Variants in RAB35 observed in about 807,000 individuals in gnomAD.
The protein encoded by RAB35 is ras-related protein Rab-35.
RAB35 carries 4 observed loss-of-function variants against 28.9 expected under a neutral mutation model. The ratio of observed to expected loss-of-function variants is 0.14; its 90% CI spans 0.07 to 0.32. The LOEUF (loss-of-function observed/expected upper bound fraction) is 0.32. Ranked by LOEUF, RAB35 falls within the 10% of genes least tolerant of loss-of-function variation. The pLI, the probability that RAB35 is intolerant of heterozygous loss-of-function variation, is 1.00. For missense variants in RAB35, 128 were observed against 274.0 expected, an observed-to-expected ratio of 0.47 and a Z score of 3.76; for synonymous variants, 99 against 105.1, an observed-to-expected ratio of 0.94 and a Z score of 0.35.
Position 120,096,958 on chromosome 12 carries a change from G to C in RAB35, c.*287C>G. Reference sequence around the variant, plus strand: ...GGCCGGGTAGAGCAATATACACTATGTACAGACTCTGCGAATCAGTCCGCT... The same window carrying C: ...GGCCGGGTAGAGCAATATACACTATCTACAGACTCTGCGAATCAGTCCGCT... On this transcript the variant is annotated 3_prime_UTR_variant, in exon 6 of 6. Coordinates refer to ENST00000229340, the MANE Select transcript of RAB35 (RefSeq NM_006861.7). 1 of 1,421,366 alleles carries C rather than the reference G, an allele frequency of 7.0e-7. No homozygotes were observed. Among genetic ancestry groups the C allele is most frequent in the Non-Finnish European group, 9.3e-7 (1 of 1,074,322 alleles). 88.0% of individuals were successfully genotyped at this position (1,421,366 alleles called of 1,614,324 possible).
chr12:120,098,075 A>G (rs547946170), intron 5 of RAB35, among the ~76,000 whole-genome samples: 198 of 152,090 alleles, frequency 1.3e-3, no homozygotes, highest in Non-Finnish European at 2.1e-3. Context: ...TAGTAGAGAC[A>G]GGGTTCCACC....
intron 3 of RAB35, among the ~76,000 whole-genome samples, chr12:120,101,706 G>A (rs920024378): frequency 1.3e-5 from 2 of 152,172 alleles, no homozygotes; most frequent in Non-Finnish European, 2.9e-5. Flanking sequence ...GGGACTCTAA[G>A]ATGGAGCCAC....
chr12:120,110,295 T>TTTTTTTTTTTTTTTTC (rs1253733947), intron 1 of RAB35, among the ~76,000 whole-genome samples: 1 of 142,236 alleles, frequency 7.0e-6, no homozygotes, highest in East Asian at 2.1e-4. Context: ...ACAGCATTTT[T>TTTTTTTTTTTTTTTTC]TTTTTTTTTG....
intron 3 of RAB35, among the ~76,000 whole-genome samples, chr12:120,101,813 T>C (rs1482593062): frequency 6.6e-6 from 1 of 152,076 alleles, no homozygotes; most frequent in Non-Finnish European, 1.5e-5. Flanking sequence ...CCCATGTTGC[T>C]CCCAGGAAGC....
At chr12:120,115,096 T>C (rs1041931261) in intron 1 of RAB35, among the ~76,000 whole-genome samples, 12 of 152,058 alleles carry the variant, frequency 7.9e-5, no homozygotes, top group Non-Finnish European at 1.3e-4. Flanking sequence ...ACTCCACCTT[T>C]CTACCTCCTT....
chr12:120,100,652 C>G (rs1481107201), intron 3 of RAB35, among the ~76,000 whole-genome samples: 3 of 152,184 alleles, frequency 2.0e-5, no homozygotes, highest in Admixed American at 2.0e-4. Context: ...GCCCCTGCCC[C>G]ATCCTTGCTC....
chr12:120,100,704 T>C (rs1014394790), intron 3 of RAB35, among the ~76,000 whole-genome samples: 1 of 152,198 alleles, frequency 6.6e-6, no homozygotes, highest in Non-Finnish European at 1.5e-5. Context: ...CAGGGCTTCA[T>C]TCTGCCCACA....
At position 120,096,406 on chromosome 12, in the gene RAB35, C is replaced by T. The variant is rs1382683808; in HGVS notation, c.*839G>A. The T allele has an allele frequency of 3.9e-6, 5 of 1,266,620 alleles. No individual in the cohort carries two copies. Among genetic ancestry groups the T allele is most frequent in the African/African-American group, 1.5e-5 (1 of 64,620 alleles). 78.5% of individuals were successfully genotyped at this position (1,266,620 alleles called of 1,614,324 possible). ...AATTCACTTGATTTGGCTTCATTTTCTTGATCTGTTAAAATAATCCTCCCA... is the reference window on the plus strand; with the variant it reads ...AATTCACTTGATTTGGCTTCATTTTTTTGATCTGTTAAAATAATCCTCCCA... On this transcript the variant is annotated 3_prime_UTR_variant, in exon 6 of 6. Coordinates refer to ENST00000229340, the MANE Select transcript of RAB35 (RefSeq NM_006861.7).
intron 2 of RAB35, 134 bp from the exon 3 acceptor site, chr12:120,104,083 C>T (rs1875770014): frequency 1.6e-6 from 2 of 1,228,364 alleles, no homozygotes; most frequent in South Asian, 1.5e-5. Context: ...TTCTAGGTCC[C>T]AGGGACACAG....
At chr12:120,097,437 C>A (rs942519413) in intron 5 of RAB35, 64 bp from the exon 6 acceptor site, 2 of 1,397,830 alleles carry the variant, frequency 1.4e-6, no homozygotes, top group Non-Finnish European at 2.0e-6. Flanking sequence ...CTGGCCTGCA[C>A]GGCTGCCTCC....
At position 120,103,693 on chromosome 12, in the gene RAB35, CCAA is replaced by C. The variant is rs1228680799; in HGVS notation, c.227+130_227+132del. ...TGCAGCCAAACGCCACCTACTACAGCCAACAACAGGCTCACTTCCCGACAGCCT... is the reference window on the plus strand; with the variant it reads ...TGCAGCCAAACGCCACCTACTACAGCCAACAGGCTCACTTCCCGACAGCCT... On this transcript the variant is annotated intron_variant, in intron 3 of 5. Transcript: ENST00000229340. The surrounding 1 kb of genome is among the most constrained non-coding windows in gnomAD (Gnocchi z 6.1). The C allele has an allele frequency of 1.5e-5, 20 of 1,352,864 alleles. No homozygotes were observed. The South Asian group carries it at 2.5e-4, about 17-fold the overall frequency. 83.8% of individuals were successfully genotyped at this position (1,352,864 alleles called of 1,614,324 possible). A position where few individuals can be genotyped will look rare whatever the true frequency, so the allele number is the denominator to read the frequency against.
At chr12:120,107,934 A>G (rs552252244) in intron 2 of RAB35, among the ~76,000 whole-genome samples, 183 of 152,078 alleles carry the variant, frequency 1.2e-3, no homozygotes, top group African/African-American at 4.0e-3. Flanking sequence ...GCATCGCTGA[A>G]AACACAACCA....
intron 1 of RAB35, among the ~76,000 whole-genome samples, chr12:120,109,229 G>A (rs903817008): frequency 4.6e-5 from 7 of 152,146 alleles, no homozygotes; most frequent in African/African-American, 7.2e-5. Flanking sequence ...CGAGGCAGGC[G>A]GATCACCTGA....
intron 1 of RAB35, among the ~76,000 whole-genome samples, chr12:120,116,050 G>C (rs1876319248): frequency 6.6e-6 from 1 of 152,190 alleles, no homozygotes; most frequent in Non-Finnish European, 1.5e-5. Context: ...CCATGAGGCA[G>C]GTTCTGAGAA....
intron 1 of RAB35, among the ~76,000 whole-genome samples, chr12:120,111,243 G>A (rs1876105735): frequency 6.6e-6 from 1 of 152,224 alleles, no homozygotes; most frequent in Non-Finnish European, 1.5e-5. Context: ...CTTCTGCAGG[G>A]CAGCAGAATC....
intron 1 of RAB35, among the ~76,000 whole-genome samples, chr12:120,111,983 C>CTT (rs1161634088): frequency 7.1e-6 from 1 of 141,060 alleles, no homozygotes; most frequent in African/African-American, 2.6e-5. Context: ...GCCTGTCATT[C>CTT]TTTTTTTTTT....
Position 120,108,404 on chromosome 12 carries a change from G to C in RAB35, c.103+13C>G, listed in dbSNP as rs776963133. On this transcript the variant is annotated intron_variant, in intron 2 of 5. Transcript: ENST00000229340. ...AAAACGACACCCCAGCAGCACTGCA[G>C]GGGAGGACTCACCTGAGAAAGTGTT... The C allele has an allele frequency of 6.2e-7, 1 of 1,610,806 alleles. No homozygotes were observed. The highest frequency in any genetic ancestry group is 8.5e-7 in the Non-Finnish European group (1 of 1,176,986).
Position 120,103,788 on chromosome 12 carries a change from G to C in RAB35, c.227+38C>G. The C allele has an allele frequency of 6.2e-7, 1 of 1,611,032 alleles. No homozygotes were observed. Among genetic ancestry groups the C allele is most frequent in the South Asian group, 1.1e-5 (1 of 90,844 alleles). Reference sequence around the variant, plus strand: ...GTCGCTCAACTGTGTCCACAGGTCAGTGGCGCGGGTTGGGTGGGAGTGGGC... The same window carrying C: ...GTCGCTCAACTGTGTCCACAGGTCACTGGCGCGGGTTGGGTGGGAGTGGGC... On this transcript the variant is annotated intron_variant, in intron 3 of 5. Coordinates refer to ENST00000229340, the MANE Select transcript of RAB35 (RefSeq NM_006861.7). The surrounding 1 kb of genome is among the most constrained non-coding windows in gnomAD (Gnocchi z 6.1).
intron 2 of RAB35, among the ~76,000 whole-genome samples, chr12:120,107,793 G>C (rs1380890457): frequency 6.8e-6 from 1 of 147,084 alleles, no homozygotes; most frequent in Non-Finnish European, 1.5e-5. Flanking sequence ...CTTGAACCCA[G>C]GAGGCAGAGG....
Sources: allele counts gnomAD v4.1 joint callset (sites outside exome capture counted in the v4.1 genomes callset), GRCh38; gene constraint gnomAD v4.1.1; non-coding constraint Gnocchi (gnomAD v3.1); transcripts MANE v1.5; gene names NCBI Gene and HGNC (gene_info 2026-07-23, HGNC 2026-07-21).